The following SPPL3 variants were observed in gnomAD, a reference collection of about 807,000 sequenced individuals.
SPPL3 encodes signal peptide peptidase like 3, also known as signal peptide peptidase-like 3.
Under a neutral mutation model 42.4 loss-of-function variants are expected in SPPL3, and 5 were observed. That is an observed-to-expected ratio of 0.12 (90% CI 0.06 to 0.25). SPPL3 has a LOEUF of 0.25. Ranked by LOEUF, SPPL3 falls within the 10% of genes least tolerant of loss-of-function variation. The pLI is 1.00. For missense variants in SPPL3, 235 were observed against 489.0 expected, an observed-to-expected ratio of 0.48 and a Z score of 4.90; for synonymous variants, 195 against 181.8, an observed-to-expected ratio of 1.07 and a Z score of -0.58.
chr12:120,856,395 G>A (rs1259399609), intron 1 of SPPL3, among the ~76,000 whole-genome samples: 4 of 151,638 alleles, frequency 2.6e-5, no homozygotes, highest in Non-Finnish European at 4.4e-5. Context: ...AGCAAGCCTA[G>A]AGGTGAGGTT....
At chr12:120,872,129 T>C (rs1374897909) in intron 1 of SPPL3, among the ~76,000 whole-genome samples, 2 of 152,222 alleles carry the variant, frequency 1.3e-5, no homozygotes, top group Non-Finnish European at 2.9e-5. Context: ...TGTGTTGTTT[T>C]ATCATTGTAT....
chr12:120,837,682 C>A (rs1015902132), intron 1 of SPPL3, among the ~76,000 whole-genome samples: 1 of 152,094 alleles, frequency 6.6e-6, no homozygotes, highest in Non-Finnish European at 1.5e-5. Context: ...TTAAAAATAC[C>A]CACCTAAAAA....
At chr12:120,899,825 G>A (rs555126711) in intron 1 of SPPL3, among the ~76,000 whole-genome samples, 14 of 147,382 alleles carry the variant, frequency 9.5e-5, no homozygotes, top group Admixed American at 5.6e-4. Flanking sequence ...CCCAGGAGGC[G>A]GAGGTTGCTG....
rs189472877 is a variant in SPPL3 at position 120,879,061 on chromosome 12, C to T, written c.23+24784G>A. On this transcript the variant is annotated intron_variant, in intron 1 of 10. Coordinates refer to ENST00000353487, the MANE Select transcript of SPPL3 (RefSeq NM_139015.5). ...CTGGGAGGCGGAGGTTGTGGTGAGC[C>T]GAGATCGCGCCATTGCACTCCAGCC... 1.6e-4 allele frequency among the ~76,000 whole-genome samples: 21 copies of T among 130,336 alleles called. 1 individual carries two copies. Among genetic ancestry groups the T allele is most frequent in the Admixed American group, 1.4e-3 (14 of 9,794 alleles). The allele number at this position is 130,336 out of a possible 152,430, so 85.5% of individuals were successfully genotyped here.
chr12:120,838,506 G>A (rs761841375), intron 1 of SPPL3, among the ~76,000 whole-genome samples: 13 of 152,210 alleles, frequency 8.5e-5, no homozygotes, highest in Admixed American at 2.6e-4. Flanking sequence ...CGCTGTCCTA[G>A]TCAGTGTGGA....
chr12:120,794,988 T>C (rs1049004064), intron 2 of SPPL3, among the ~76,000 whole-genome samples: 2 of 152,232 alleles, frequency 1.3e-5, no homozygotes, highest in African/African-American at 2.4e-5. Flanking sequence ...ATGTATAGTA[T>C]AAACTCCTTA....
chr12:120,793,602 CACT>C (rs1869996098), intron 2 of SPPL3, among the ~76,000 whole-genome samples: 1 of 152,228 alleles, frequency 6.6e-6, no homozygotes, highest in South Asian at 2.1e-4. Context: ...AACCTTCATA[CACT>C]ACTAGTGGGA....
intron 1 of SPPL3, among the ~76,000 whole-genome samples, chr12:120,824,497 T>A (rs1273877404): frequency 6.6e-6 from 1 of 152,152 alleles, no homozygotes; most frequent in Non-Finnish European, 1.5e-5. Flanking sequence ...AATTTAATTT[T>A]CAAAGAGCCC....
chr12:120,856,925 T>C (rs567676056), intron 1 of SPPL3, among the ~76,000 whole-genome samples: 1 of 152,322 alleles, frequency 6.6e-6, no homozygotes, highest in African/African-American at 2.4e-5. Context: ...AAAGGAGCTC[T>C]GTACATTCCA....
chr12:120,840,294 A>C (rs1024901092), intron 1 of SPPL3, among the ~76,000 whole-genome samples: 1 of 150,346 alleles, frequency 6.7e-6, no homozygotes, highest in African/African-American at 2.5e-5. Context: ...AAAAAAAAAA[A>C]AAAAAAAAAG....
intron 1 of SPPL3, chr12:120,845,488 T>C (rs993724728): frequency 4.7e-6 from 2 of 427,620 alleles, no homozygotes; most frequent in South Asian, 2.4e-5. Flanking sequence ...TTGTACTCCA[T>C]GGTTTCCACG....
intron 1 of SPPL3, among the ~76,000 whole-genome samples, chr12:120,854,408 G>C (rs1235625801): frequency 3.9e-5 from 6 of 152,120 alleles, no homozygotes; most frequent in African/African-American, 1.4e-4. Flanking sequence ...AGTAAATCTA[G>C]TCTTGCCAAC....
chr12:120,786,918 G>A lies in SPPL3; in HGVS notation c.191-2325C>T, dbSNP rs536787052. ...CATAATTAGGAGGACATATGCAAGT[G>A]CAGTTGCATTATCTTTAAGGCAAAA... On this transcript the variant is annotated intron_variant, in intron 3 of 10. Transcript: ENST00000353487. Among the ~76,000 whole-genome samples the A allele has an allele frequency of 6.6e-5, 10 of 152,306 alleles. No individual in the cohort carries two copies. In the South Asian group the frequency reaches 2.1e-3, roughly 32 times the overall value.
chr12:120,803,863 T>C (rs1160273900), intron 2 of SPPL3, among the ~76,000 whole-genome samples: 3 of 147,582 alleles, frequency 2.0e-5, no homozygotes, highest in Non-Finnish European at 1.5e-5. Context: ...GGACGAGTTA[T>C]GGAATGACAA....
At chr12:120,882,613 T>G (rs1873326172) in intron 1 of SPPL3, among the ~76,000 whole-genome samples, 1 of 152,116 alleles carries the variant, frequency 6.6e-6, no homozygotes, top group Non-Finnish European at 1.5e-5. Context: ...CTCCTATGTA[T>G]CCACAAAAAC....
chr12:120,774,452 G>T (rs1869237792), intron 6 of SPPL3, among the ~76,000 whole-genome samples: 2 of 152,172 alleles, frequency 1.3e-5, no homozygotes, highest in South Asian at 4.1e-4. Flanking sequence ...TGCTGGCTCT[G>T]CCTTGGCATC....
chr12:120,852,701 TAC>T lies in SPPL3; in HGVS notation c.24-41817_24-41816del, dbSNP rs1872275084. ...ATATGCATATATAATATACATATTT[TAC>T]ATATATGAAATATATTTTATATATA... On this transcript the variant is annotated intron_variant, in intron 1 of 10. Coordinates refer to ENST00000353487, the MANE Select transcript of SPPL3 (RefSeq NM_139015.5). Among the ~76,000 whole-genome samples the T allele has an allele frequency of 3.1e-4, 6 of 19,166 alleles. 3 individuals carry two copies. Among genetic ancestry groups the T allele is most frequent in the Non-Finnish European group, 1.1e-3 (6 of 5,320 alleles). The allele number at this position is 19,166 out of a possible 152,430, so 12.6% of individuals were successfully genotyped here. A position where few individuals can be genotyped will look rare whatever the true frequency, so the allele number is the denominator to read the frequency against.
chr12:120,796,972 C>T (rs1290384798), intron 2 of SPPL3, among the ~76,000 whole-genome samples: 1 of 152,118 alleles, frequency 6.6e-6, no homozygotes, highest in African/African-American at 2.4e-5. Flanking sequence ...GAGTTCGAGA[C>T]CAGCCTGGCC....
chr12:120,767,261 G>T, intron 9 of SPPL3, 133 bp downstream of exon 9: 1 of 909,360 alleles, frequency 1.1e-6, no homozygotes, highest in Non-Finnish European at 1.7e-6. Flanking sequence ...TCACGGGCCA[G>T]GCTGTCTATT....
Sources: gnomAD v4.1 joint callset for allele counts (sites outside exome capture counted in the v4.1 genomes callset) on GRCh38, gnomAD v4.1.1 for gene constraint, MANE v1.5 for transcripts, NCBI Gene and HGNC (gene_info 2026-07-23, HGNC 2026-07-21) for gene names.